TRAPPC9: variants seen among roughly 807,000 people sequenced by gnomAD.
TRAPPC9 encodes IKK2 binding protein.
A neutral mutation model predicts 124.0 loss-of-function variants in TRAPPC9; 83 were observed. The observed-to-expected ratio is 0.67, with a 90% CI of 0.56 to 0.80. TRAPPC9 has a LOEUF of 0.80. Ranked by LOEUF, TRAPPC9 falls within the 30% of genes least tolerant of loss-of-function variation. The pLI is 0.00. For synonymous variants in TRAPPC9, 638 were observed against 617.5 expected, an observed-to-expected ratio of 1.03 and a Z score of -0.49; for missense variants, 1,302 against 1,508.3, an observed-to-expected ratio of 0.86 and a Z score of 2.27.
At chr8:140,422,358 G>A (rs2070246787) in intron 5 of TRAPPC9, among the ~76,000 whole-genome samples, 1 of 152,084 alleles carries the variant, frequency 6.6e-6, no homozygotes, top group South Asian at 2.1e-4. Flanking sequence ...ACTTGTATTG[G>A]CTTCAAAGGA....
intron 18 of TRAPPC9, among the ~76,000 whole-genome samples, chr8:140,019,522 T>C (rs1340223279): frequency 6.7e-6 from 1 of 149,180 alleles, no homozygotes; most frequent in East Asian, 2.0e-4. Flanking sequence ...TTTTCCTGTG[T>C]CAATTTTAGT....
intron 9 of TRAPPC9, among the ~76,000 whole-genome samples, chr8:140,336,605 G>A (rs1212296026): frequency 6.6e-6 from 1 of 152,180 alleles, no homozygotes; most frequent in East Asian, 1.9e-4. Context: ...GACACTGATG[G>A]ATGGCAAACT....
intron 7 of TRAPPC9, among the ~76,000 whole-genome samples, chr8:140,396,064 A>G (rs986713208): frequency 1.3e-5 from 2 of 150,970 alleles, no homozygotes; most frequent in African/African-American, 4.9e-5. Flanking sequence ...GGCCTCTGCA[A>G]TGGGCCCCCT....
intron 21 of TRAPPC9, among the ~76,000 whole-genome samples, chr8:139,849,071 G>C (rs1827282154): frequency 6.6e-6 from 1 of 152,252 alleles, no homozygotes; most frequent in South Asian, 2.1e-4. Flanking sequence ...AGTCAAACGA[G>C]AGTGCTCAGT....
chr8:140,017,643 A>T (rs1730701372), intron 18 of TRAPPC9, among the ~76,000 whole-genome samples: 1 of 152,194 alleles, frequency 6.6e-6, no homozygotes, highest in African/African-American at 2.4e-5. Flanking sequence ...ATTGTCTTAA[A>T]ATCATACAGT....
chr8:139,989,531 C>T (rs546038664), intron 18 of TRAPPC9, among the ~76,000 whole-genome samples: 2 of 152,244 alleles, frequency 1.3e-5, no homozygotes, highest in Non-Finnish European at 2.9e-5. Flanking sequence ...TAGAGACTTT[C>T]CTTCCCAAAT....
At chr8:140,443,235 A>T (rs1258543184) in intron 2 of TRAPPC9, among the ~76,000 whole-genome samples, 1 of 149,462 alleles carries the variant, frequency 6.7e-6, no homozygotes, top group Admixed American at 6.7e-5. Flanking sequence ...GGAGATCGAG[A>T]CCATCCTGGC....
intron 12 of TRAPPC9, among the ~76,000 whole-genome samples, chr8:140,290,075 C>T (rs1461873914): frequency 1.3e-5 from 2 of 152,190 alleles, no homozygotes; most frequent in Admixed American, 1.3e-4. Context: ...GGCAGACTCC[C>T]GTCCACAACA....
intron 18 of TRAPPC9, among the ~76,000 whole-genome samples, chr8:139,993,540 T>C (rs2131736317): frequency 6.6e-6 from 1 of 152,354 alleles, no homozygotes. Flanking sequence ...TGTAGCTGCC[T>C]ATCTTGGATC....
chr8:139,787,743 C>A (rs749509555), intron 21 of TRAPPC9, among the ~76,000 whole-genome samples: 14 of 152,190 alleles, frequency 9.2e-5, no homozygotes, highest in Non-Finnish European at 1.5e-4. Context: ...GTGCTACCTG[C>A]CAATGAGCAC....
chr8:140,270,109 A>C (rs1405377969), intron 15 of TRAPPC9, among the ~76,000 whole-genome samples: 2 of 152,086 alleles, frequency 1.3e-5, no homozygotes, highest in Admixed American at 1.3e-4. Context: ...CAAAAAAAAA[A>C]AGAGAAACAC....
chr8:140,431,019 G>GAAAA (rs2132577945), intron 4 of TRAPPC9, among the ~76,000 whole-genome samples: 1 of 152,228 alleles, frequency 6.6e-6, no homozygotes, highest in African/African-American at 2.4e-5. Flanking sequence ...GTTGGTTGTT[G>GAAAA]AAGAAAACAG....
In TRAPPC9 at chr8:140,353,085, C is replaced by G. The variant is rs563970193; in HGVS notation, c.1495+6965G>C. Among the ~76,000 whole-genome samples, 58 of 152,274 alleles carry G rather than the reference C, an allele frequency of 3.8e-4. No homozygotes were observed. The highest frequency in any genetic ancestry group is 1.3e-3 in the African/African-American group (52 of 41,562). ...CGAGAAAACACCATCTACCCAGAGGCCTCCAGAAAGACACTGGACCACAGT... is the reference window on the plus strand; with the variant it reads ...CGAGAAAACACCATCTACCCAGAGGGCTCCAGAAAGACACTGGACCACAGT... On this transcript the variant is annotated intron_variant, in intron 9 of 22. Transcript: ENST00000438773. The surrounding 1 kb of genome is among the most constrained non-coding windows in gnomAD (Gnocchi z 4.2).
intron 19 of TRAPPC9, among the ~76,000 whole-genome samples, chr8:139,958,733 C>T (rs1328471144): frequency 6.6e-6 from 1 of 152,322 alleles, no homozygotes; most frequent in East Asian, 1.9e-4. Context: ...AGACACGCCC[C>T]GAGGCAGGAC....
intron 21 of TRAPPC9, among the ~76,000 whole-genome samples, chr8:139,744,822 A>C (rs1203162110): frequency 6.6e-6 from 1 of 152,234 alleles, no homozygotes; most frequent in African/African-American, 2.4e-5. Context: ...CTCTTGGGTA[A>C]ATAATTTACT....
intron 9 of TRAPPC9, among the ~76,000 whole-genome samples, chr8:140,325,588 G>GTTCTTAATAC (rs2066713968): frequency 6.6e-6 from 1 of 152,130 alleles, no homozygotes; most frequent in Admixed American, 6.5e-5. Flanking sequence ...AATCTTAATA[G>GTTCTTAATAC]TCCTGTATTT....
intron 16 of TRAPPC9, among the ~76,000 whole-genome samples, chr8:140,240,310 C>T (rs1242937205): frequency 6.6e-6 from 1 of 152,118 alleles, no homozygotes; most frequent in Non-Finnish European, 1.5e-5. Context: ...ACTTGACCTG[C>T]TACTAAATTG....
intron 5 of TRAPPC9, among the ~76,000 whole-genome samples, chr8:140,409,359 T>C (rs183857041): frequency 1.1e-4 from 17 of 152,228 alleles, no homozygotes; most frequent in Non-Finnish European, 1.8e-4. Context: ...CTACTGTGAG[T>C]GCGAATGATG....
intron 21 of TRAPPC9, among the ~76,000 whole-genome samples, chr8:139,834,053 G>A (rs991023979): frequency 6.6e-6 from 1 of 152,202 alleles, no homozygotes; most frequent in Non-Finnish European, 1.5e-5. Flanking sequence ...GGCAAGTCAT[G>A]GAGCCCTGTG....
Sources: gnomAD v4.1 joint callset for allele counts (sites outside exome capture counted in the v4.1 genomes callset) on GRCh38, gnomAD v4.1.1 for gene constraint, Gnocchi (gnomAD v3.1) non-coding constraint, MANE v1.5 for transcripts, NCBI Gene and HGNC (gene_info 2026-07-23, HGNC 2026-07-21) for gene names.